Variants in ME1 observed in about 807,000 individuals in gnomAD.
The protein encoded by ME1 is malic enzyme 1, also known as NADP-dependent malic enzyme.
ME1 carries 74 observed loss-of-function variants against 66.4 expected under a neutral mutation model. The ratio of observed to expected loss-of-function variants is 1.11; its 90% CI spans 0.92 to 1.35. The LOEUF is 1.35. Among genes scored for constraint, ME1 ranks in the 40% most tolerant of loss-of-function variants. ME1 has a pLI of 0.00. For missense variants in ME1, 750 were observed against 694.1 expected (o/e 1.08, Z -0.90); for synonymous variants, 251 against 235.6 (o/e 1.07, Z -0.60).
At chr6:83,358,410 T>A (rs1257453343) in intron 3 of ME1, among the ~76,000 whole-genome samples, 2 of 152,142 alleles carry the variant, frequency 1.3e-5, no homozygotes, top group African/African-American at 2.4e-5. Context: ...ACTCAGAGAT[T>A]GTATCTCCTG....
At chr6:83,242,133 G>T (rs374009594) in intron 7 of ME1, among the ~76,000 whole-genome samples, 1 of 152,192 alleles carries the variant, frequency 6.6e-6, no homozygotes, top group East Asian at 1.9e-4. Flanking sequence ...AAAGTGCTGG[G>T]ATTACAGGCG....
At chr6:83,217,274 G>A (rs932947031) in intron 12 of ME1, among the ~76,000 whole-genome samples, 2 of 152,124 alleles carry the variant, frequency 1.3e-5, no homozygotes, top group African/African-American at 4.8e-5. Context: ...CTAGATGGGG[G>A]CAAATCTAAA....
intron 5 of ME1, among the ~76,000 whole-genome samples, chr6:83,342,429 A>G (rs943243606): frequency 6.6e-6 from 1 of 152,220 alleles, no homozygotes; most frequent in Non-Finnish European, 1.5e-5. Context: ...CAATTAATAC[A>G]TACTGCAACT....
At chr6:83,294,101 C>T (rs1767552701) in intron 6 of ME1, among the ~76,000 whole-genome samples, 1 of 152,106 alleles carries the variant, frequency 6.6e-6, no homozygotes, top group Non-Finnish European at 1.5e-5. Flanking sequence ...AAATATGGGA[C>T]ATGGATGAAG....
At chr6:83,235,468 C>G (rs1208662733) in intron 9 of ME1, among the ~76,000 whole-genome samples, 1 of 117,160 alleles carries the variant, frequency 8.5e-6, no homozygotes, top group Admixed American at 9.1e-5. Context: ...AAAGCAATAG[C>G]TATTTTTTTT....
chr6:83,309,642 A>G (rs543569097), intron 6 of ME1, among the ~76,000 whole-genome samples: 1 of 152,138 alleles, frequency 6.6e-6, no homozygotes, highest in Non-Finnish European at 1.5e-5. Flanking sequence ...TCTGAAGTTC[A>G]GAGAAGAGGT....
intron 3 of ME1, among the ~76,000 whole-genome samples, chr6:83,360,051 A>G (rs1327500634): frequency 6.6e-6 from 1 of 152,212 alleles, no homozygotes; most frequent in Admixed American, 6.5e-5. Flanking sequence ...CTTAATCTAC[A>G]CAATCTGAAA....
intron 6 of ME1, among the ~76,000 whole-genome samples, chr6:83,295,451 A>G (rs1767579939): frequency 6.6e-6 from 1 of 152,232 alleles, no homozygotes; most frequent in South Asian, 2.1e-4. Flanking sequence ...AATTCAGAAT[A>G]TGGATAGGAA....
intron 2 of ME1, among the ~76,000 whole-genome samples, chr6:83,401,001 G>T (rs1052131296): frequency 1.2e-4 from 19 of 152,084 alleles, no homozygotes; most frequent in African/African-American, 4.6e-4. Context: ...TCTCAATGGA[G>T]ATTACCCTTA....
chr6:83,211,843 C>T lies in ME1; in HGVS notation c.*81G>A. ...ATCTTAATCTAAGTGTCTTATGAAT[C>T]ATTATAAAAGATTCCAACCTTTAAA... On this transcript the variant is annotated 3_prime_UTR_variant, in exon 14 of 14. Transcript: ENST00000369705. The T allele has an allele frequency of 1.1e-6, 1 of 901,988 alleles. No individual in the cohort carries two copies. The highest frequency in any genetic ancestry group is 1.5e-6 in the Non-Finnish European group (1 of 650,192). 55.9% of individuals were successfully genotyped at this position (901,988 alleles called of 1,614,324 possible). A position where few individuals can be genotyped will look rare whatever the true frequency, so the allele number is the denominator to read the frequency against.
chr6:83,282,488 T>C (rs974890008), intron 6 of ME1, among the ~76,000 whole-genome samples: 2 of 152,204 alleles, frequency 1.3e-5, no homozygotes, highest in Non-Finnish European at 2.9e-5. Context: ...AAGACATTTA[T>C]GTGGCCAACA....
intron 6 of ME1, among the ~76,000 whole-genome samples, chr6:83,314,936 A>C (rs965223905): frequency 3.3e-5 from 5 of 152,190 alleles, no homozygotes; most frequent in African/African-American, 1.2e-4. Context: ...CCAGCTACAA[A>C]GATGACTGAA....
intron 3 of ME1, among the ~76,000 whole-genome samples, chr6:83,364,910 C>T (rs2128546476): frequency 6.6e-6 from 1 of 152,214 alleles, no homozygotes; most frequent in Non-Finnish European, 1.5e-5. Flanking sequence ...ACTGCCTCCC[C>T]TCCCCAAGTT....
chr6:83,334,377 C>T (rs1198412255), intron 5 of ME1, among the ~76,000 whole-genome samples: 1 of 86,418 alleles, frequency 1.2e-5, no homozygotes, highest in South Asian at 4.9e-4. Flanking sequence ...AAGGCGGCAA[C>T]GAGGCTGGGG....
At chr6:83,384,630 G>C (rs1462292960) in intron 3 of ME1, among the ~76,000 whole-genome samples, 2 of 151,788 alleles carry the variant, frequency 1.3e-5, no homozygotes, top group East Asian at 3.9e-4. Flanking sequence ...TTCTTTTGCT[G>C]TGCAGAAGCT....
chr6:83,231,990 T>C (rs183029074), intron 9 of ME1, among the ~76,000 whole-genome samples: 87 of 152,336 alleles, frequency 5.7e-4, no homozygotes, highest in Non-Finnish European at 2.8e-4. Flanking sequence ...ATTTAATTAC[T>C]ACCTTTTCAA....
intron 3 of ME1, 128 bp from the exon 4 acceptor site, chr6:83,352,267 C>T: frequency 2.0e-6 from 1 of 505,732 alleles, no homozygotes; most frequent in Non-Finnish European, 3.4e-6. Context: ...AACTGGTGGA[C>T]ATTATTTCCT....
intron 13 of ME1, 67 bp downstream of exon 13, chr6:83,216,431 T>C: frequency 9.0e-7 from 1 of 1,111,916 alleles, no homozygotes; most frequent in East Asian, 2.4e-5. Flanking sequence ...ATTTTTAATA[T>C]TTAAAAATGC....
intron 1 of ME1, among the ~76,000 whole-genome samples, chr6:83,408,296 G>A (rs565279960): frequency 3.3e-5 from 5 of 152,272 alleles, no homozygotes; most frequent in African/African-American, 1.2e-4. Flanking sequence ...GACCTGCTGT[G>A]ATTCCACCTT....
Sources: gnomAD v4.1 joint callset for allele counts (sites outside exome capture counted in the v4.1 genomes callset) on GRCh38, gnomAD v4.1.1 for gene constraint, MANE v1.5 for transcripts, NCBI Gene and HGNC (gene_info 2026-07-23, HGNC 2026-07-21) for gene names.